FREM1: variants seen among roughly 807,000 people sequenced by gnomAD.
FREM1 encodes FRAS1-related extracellular matrix protein 1.
In FREM1, 220 loss-of-function variants were observed where a neutral mutation model predicts 210.1. The ratio of observed to expected loss-of-function variants is 1.05; its 90% CI spans 0.94 to 1.17. FREM1 has a LOEUF of 1.17. FREM1 is among the 50% of genes most tolerant of loss of function. The pLI is 0.00. For missense variants in FREM1, 3,454 were observed against 2,675.5 expected (o/e 1.29, Z -6.42); for synonymous variants, 1,189 against 980.2 (o/e 1.21, Z -3.98).
At chr9:14,772,851 G>A (rs1345676953) in intron 25 of FREM1, among the ~76,000 whole-genome samples, 2 of 152,192 alleles carry the variant, frequency 1.3e-5, no homozygotes, top group Non-Finnish European at 2.9e-5. Flanking sequence ...ATGAATAGTT[G>A]AATGTAGATG....
At chr9:14,825,120 T>C (rs2130838974) in intron 10 of FREM1, 128 bp from the exon 11 acceptor site, 1 of 620,724 alleles carries the variant, frequency 1.6e-6, no homozygotes, top group Non-Finnish European at 2.7e-6. Context: ...TTCTGTCAAA[T>C]GATTCAGGAG....
At chr9:14,849,313 G>A (rs1484660926) in intron 6 of FREM1, among the ~76,000 whole-genome samples, 1 of 152,202 alleles carries the variant, frequency 6.6e-6, no homozygotes, top group Non-Finnish European at 1.5e-5. Context: ...TTGTCGTACT[G>A]CTACTATCAA....
In FREM1 at chr9:14,859,465, A is replaced by C. The variant is rs1480593357; in HGVS notation, c.349T>G (p.Phe117Val). ...RLYRFTERDT[F>V]IETFILWVYL... ...ACCCACAGGATAAAAGTTTCTATGA[A>C]GGTATCTCTTTCAGTAAATCTGTGG... The change falls in exon 4 of 37, where the codon TTC becomes GTC. Residue 117 changes from phenylalanine (F) to valine (V), a missense_variant. By Grantham distance (50) the Phe-to-Val change is conservative (BLOSUM62 -1). Coordinates refer to ENST00000380880, the MANE Select transcript of FREM1 (RefSeq NM_001379081.2). The C allele has an allele frequency of 2.5e-6, 4 of 1,612,802 alleles. No homozygotes were observed. Among genetic ancestry groups the C allele is most frequent in the African/African-American group, 1.3e-5 (1 of 74,878 alleles).
chr9:14,839,601 A>G (rs1382701836), intron 10 of FREM1, among the ~76,000 whole-genome samples: 1 of 152,230 alleles, frequency 6.6e-6, no homozygotes. Context: ...AACTAGATCT[A>G]CAGAGTTTAG....
chr9:14,885,497 G>A (rs1403457758), intron 1 of FREM1, among the ~76,000 whole-genome samples: 3 of 152,176 alleles, frequency 2.0e-5, no homozygotes, highest in Non-Finnish European at 4.4e-5. Context: ...ATAGCTGACT[G>A]CAGCCTCCAA....
At position 14,819,320 on chromosome 9, in the gene FREM1, A is replaced by T. The variant is rs376260980; in HGVS notation, c.2460T>A (p.Pro820=). Residue 820 remains proline, a synonymous_variant, in exon 14 of 37, where the codon CCT becomes CCA. Coordinates refer to ENST00000380880, the MANE Select transcript of FREM1 (RefSeq NM_001379081.2). The part of the protein sequence containing the change: ...DNIDLSLREL[P]LHGRVELNGF... ...CATTCAGCTCCACCCTTCCGTGCAG[A>T]GGCAATTCCCGCAGGGAGAGGTCAA... 2 of 1,613,834 alleles carry T rather than the reference A, an allele frequency of 1.2e-6. No homozygotes were observed. Among genetic ancestry groups the T allele is most frequent in the East Asian group, 4.5e-5 (2 of 44,894 alleles).
chr9:14,886,384 CAAAAAAAAA>C (rs60702421), intron 1 of FREM1, among the ~76,000 whole-genome samples: 3 of 59,818 alleles, frequency 5.0e-5, no homozygotes, highest in African/African-American at 1.4e-4. Context: ...GACTCCGACT[CAAAAAAAAA>C]AAAAAAAAAA....
intron 35 of FREM1, among the ~76,000 whole-genome samples, chr9:14,745,140 G>T (rs1842192142): frequency 1.3e-5 from 2 of 152,142 alleles, no homozygotes; most frequent in Admixed American, 1.3e-4. Context: ...GGAGGAAGAA[G>T]ATCAGGAAAA....
At chr9:14,781,022 C>T (rs1849569675) in intron 24 of FREM1, among the ~76,000 whole-genome samples, 1 of 152,104 alleles carries the variant, frequency 6.6e-6, no homozygotes, top group South Asian at 2.1e-4. Context: ...GAGGAGGTTC[C>T]TTCACACAAA....
At chr9:14,883,852 G>A (rs989133126) in intron 1 of FREM1, among the ~76,000 whole-genome samples, 10 of 152,196 alleles carry the variant, frequency 6.6e-5, no homozygotes, top group Admixed American at 3.3e-4. Flanking sequence ...CACCCTCAGG[G>A]TCGGCAGAAT....
chr9:14,775,245 G>C (rs1848342901), intron 25 of FREM1, among the ~76,000 whole-genome samples: 1 of 152,166 alleles, frequency 6.6e-6, no homozygotes, highest in African/African-American at 2.4e-5. Context: ...AGCTAGGTCT[G>C]TCTGACTCCA....
At chr9:14,773,980 C>A in intron 25 of FREM1, 1 of 451,086 alleles carries the variant, frequency 2.2e-6, no homozygotes, top group Non-Finnish European at 4.3e-6. Context: ...AAGACACTAA[C>A]AGACTGAAAA....
intron 36 of FREM1, among the ~76,000 whole-genome samples, chr9:14,739,449 A>AAT (rs56320339): frequency 0.028 from 3,712 of 132,224 alleles, 79 homozygotes; most frequent in Non-Finnish European, 0.042. Flanking sequence ...AATTATTTGG[A>AAT]ATATATATAT....
chr9:14,824,241 C>A (rs1821911553), intron 11 of FREM1, 126 bp from the exon 12 acceptor site: 2 of 619,826 alleles, frequency 3.2e-6, no homozygotes, highest in Admixed American at 2.6e-5. Flanking sequence ...TCTTTATATT[C>A]TCTCTTTATG....
Position 14,836,639 on chromosome 9 carries a change from T to C in FREM1, c.1881+4808A>G, listed in dbSNP as rs747446140. ...GTCTTGAATTGATATTTGGACGTTG[T>C]ATATTCAGTACTATGACTCAAATTG... On this transcript the variant is annotated intron_variant, in intron 10 of 36. Transcript: ENST00000380880. The surrounding 1 kb of genome is among the most constrained non-coding windows in gnomAD (Gnocchi z 4.9). Among the ~76,000 whole-genome samples, 2 of 152,202 alleles carry C rather than the reference T, an allele frequency of 1.3e-5. No homozygotes were observed. The highest frequency in any genetic ancestry group is 2.4e-5 in the African/African-American group (1 of 41,452).
At chr9:14,898,145 G>A (rs1033913500) in intron 1 of FREM1, among the ~76,000 whole-genome samples, 8 of 152,170 alleles carry the variant, frequency 5.3e-5, no homozygotes, top group African/African-American at 1.2e-4. Context: ...CCAGACCTGT[G>A]CACCTATCTT....
At chr9:14,909,208 A>G (rs1470238964) in intron 1 of FREM1, among the ~76,000 whole-genome samples, 1 of 152,192 alleles carries the variant, frequency 6.6e-6, no homozygotes, top group Non-Finnish European at 1.5e-5. Flanking sequence ...AAAATCAGAA[A>G]CTAAAATTAA....
chr9:14,868,674 TC>T, intron 2 of FREM1, 69 bp downstream of exon 2: 1 of 955,454 alleles, frequency 1.0e-6, no homozygotes, highest in Non-Finnish European at 1.7e-6. Context: ...CTGTTCTCTG[TC>T]CCCCCACACA....
At chr9:14,882,381 C>A (rs142574620) in intron 1 of FREM1, among the ~76,000 whole-genome samples, 2 of 152,098 alleles carry the variant, frequency 1.3e-5, no homozygotes, top group East Asian at 3.9e-4. Flanking sequence ...CTCCCTGCAC[C>A]ACAATGCTGT....
Sources: allele counts gnomAD v4.1 joint callset (sites outside exome capture counted in the v4.1 genomes callset), GRCh38; gene constraint gnomAD v4.1.1; non-coding constraint Gnocchi (gnomAD v3.1); transcripts MANE v1.5; gene names NCBI Gene and HGNC (gene_info 2026-07-23, HGNC 2026-07-21).